The following C1orf52 variants were observed in gnomAD, a reference collection of about 807,000 sequenced individuals.
C1orf52 encodes the protein UPF0690 protein C1orf52.
In C1orf52, 5 loss-of-function variants were observed where a neutral mutation model predicts 17.2. That is an observed-to-expected ratio of 0.29 (90% CI 0.15 to 0.61). The LOEUF is 0.61. Among genes scored for constraint, C1orf52 ranks in the 20% least tolerant of loss-of-function variants. The probability of loss-of-function intolerance (pLI) is 0.85; values close to 1 mark genes in which losing one functional copy is unlikely to be tolerated. For missense variants in C1orf52, 245 were observed against 234.1 expected (o/e 1.05, Z -0.30); for synonymous variants, 110 against 88.0 (o/e 1.25, Z -1.40).
chr1:85,255,793 T>TC (rs1297016022), intron 2 of C1orf52, among the ~76,000 whole-genome samples: 2 of 115,012 alleles, frequency 1.7e-5, no homozygotes, highest in African/African-American at 3.5e-5. Flanking sequence ...ACATAATTGA[T>TC]TTTATAGGAA....
intron 2 of C1orf52, chr1:85,257,545 C>T (rs761875258): frequency 1.3e-5 from 9 of 694,462 alleles, no homozygotes; most frequent in African/African-American, 9.0e-5. Context: ...GACTTTATCC[C>T]GTTGAAGGGT....
At chr1:85,256,814 A>AAAAAAAAAAG (rs1553178011) in intron 2 of C1orf52, among the ~76,000 whole-genome samples, 1,352 of 107,804 alleles carry the variant, frequency 0.013, no homozygotes, top group Non-Finnish European at 0.015. Context: ...AAAAAAAAAA[A>AAAAAAAAAAG]AAAAGAAAAG....
In C1orf52 at chr1:85,252,584, A is replaced by G. The variant is rs1336052354; in HGVS notation, c.*45T>C. The G allele has an allele frequency of 1.3e-6, 2 of 1,498,294 alleles. No homozygotes were observed. Among genetic ancestry groups the G allele is most frequent in the Non-Finnish European group, 1.9e-6 (2 of 1,076,874 alleles). The allele number at this position is 1,498,294 out of a possible 1,614,324, so 92.8% of individuals were successfully genotyped here. On this transcript the variant is annotated 3_prime_UTR_variant, in exon 3 of 3. Coordinates refer to ENST00000471115, the MANE Select transcript of C1orf52 (RefSeq NM_198077.4). Reference sequence around the variant, plus strand: ...ATATCAACTTAATCTGTCCAAAGAAACATTTCAACAAGTTTAGCAGTACAG... The same window carrying G: ...ATATCAACTTAATCTGTCCAAAGAAGCATTTCAACAAGTTTAGCAGTACAG...
chr1:85,258,699 C>A lies in C1orf52; in HGVS notation c.300G>T (p.Trp100Cys). Residue 100 changes from tryptophan (W) to cysteine (C), a missense_variant, in exon 2 of 3, where the codon TGG (tryptophan) becomes TGT (cysteine). Transcript: ENST00000471115. ...CAGGAGGTGGTACATAATTTGACTT[C>A]CATATTTTGAATTCCTTTGGAGGCT... ...PEEPPKEFKI[W>C]KSNYVPPPET... The A allele has an allele frequency of 6.2e-7, 1 of 1,611,142 alleles. No homozygotes were observed.
In C1orf52 at chr1:85,250,847, T is replaced by C. The variant is rs913110675; in HGVS notation, c.*1782A>G. On this transcript the variant is annotated 3_prime_UTR_variant, in exon 3 of 3. Coordinates refer to ENST00000471115, the MANE Select transcript of C1orf52 (RefSeq NM_198077.4). The stretch of plus-strand genomic sequence containing the variant: ...ACTATGGTCTTGCTTTGTCACTTGA[T>C]GCCACTCCTTAGTATATGATACCAC... The C allele has an allele frequency of 6.6e-6, 1 of 152,364 alleles. No individual in the cohort carries two copies. The highest frequency in any genetic ancestry group is 1.9e-4 in the East Asian group (1 of 5,196). 9.4% of individuals were successfully genotyped at this position (152,364 alleles called of 1,614,324 possible). A position where few individuals can be genotyped will look rare whatever the true frequency, so the allele number is the denominator to read the frequency against.
rs1207415880 is a variant in C1orf52 at position 85,250,718 on chromosome 1, T to C, written c.*1911A>G. 6.6e-6 allele frequency: 1 copy of C among 152,236 alleles called. No homozygotes were observed. The highest frequency in any genetic ancestry group is 1.9e-4 in the East Asian group (1 of 5,202). 9.4% of individuals were successfully genotyped at this position (152,236 alleles called of 1,614,324 possible). A position where few individuals can be genotyped will look rare whatever the true frequency, so the allele number is the denominator to read the frequency against. ...AATATTTCAGTAACTTCTGAGATATTTGCTCCACCAACACATGCATCCAAA... is the reference window on the plus strand; with the variant it reads ...AATATTTCAGTAACTTCTGAGATATCTGCTCCACCAACACATGCATCCAAA... On this transcript the variant is annotated 3_prime_UTR_variant, in exon 3 of 3. Coordinates refer to ENST00000471115, the MANE Select transcript of C1orf52 (RefSeq NM_198077.4).
chr1:85,258,906 T>C (rs1660017569), intron 1 of C1orf52, 184 bp from the exon 2 acceptor site: 2 of 1,429,868 alleles, frequency 1.4e-6, no homozygotes, highest in East Asian at 5.0e-5. Context: ...GGGTTCCCTA[T>C]ATGAATAAAG....
Position 85,258,678 on chromosome 1 carries a change from A to C in C1orf52, c.321T>G (p.Pro107=). ...TCTTCTCAGTGGTGTAGGTCTCAGGAGGTGGTACATAATTTGACTTCCATA... is the reference window on the plus strand; with the variant it reads ...TCTTCTCAGTGGTGTAGGTCTCAGGCGGTGGTACATAATTTGACTTCCATA... ...FKIWKSNYVP[P]PETYTTEKKP... is the part of the protein sequence containing the mutation. The change falls in exon 2 of 3, where the codon CCT becomes CCG. Residue 107 remains proline (P), a synonymous_variant. Transcript: ENST00000471115. 1 of 1,582,266 alleles carries C rather than the reference A, an allele frequency of 6.3e-7. No individual in the cohort carries two copies.
At chr1:85,257,823 G>A (rs948931048) in intron 2 of C1orf52, among the ~76,000 whole-genome samples, 3 of 152,126 alleles carry the variant, frequency 2.0e-5, no homozygotes, top group African/African-American at 7.2e-5. Flanking sequence ...TGAAGCCTTC[G>A]GCCGGGAGCG....
At chr1:85,258,906 T>A in intron 1 of C1orf52, 184 bp from the exon 2 acceptor site, 2 of 1,429,868 alleles carry the variant, frequency 1.4e-6, no homozygotes, top group Non-Finnish European at 1.8e-6. Flanking sequence ...GGGTTCCCTA[T>A]ATGAATAAAG....
At chr1:85,258,451 T>C (rs764914691) in intron 2 of C1orf52, 73 bp downstream of exon 2, 49 of 1,284,016 alleles carry the variant, frequency 3.8e-5, no homozygotes, top group Non-Finnish European at 5.2e-5. Context: ...TTTTCATTCA[T>C]TAAATATCTC....
At position 85,259,493 on chromosome 1, in the gene C1orf52, G is replaced by T; in HGVS notation, c.141C>A (p.Gly47=). ...RTPDPAKSAG[G]CRNKAEKRLP... ...GCCGCTTCTCCGCCTTGTTCCTACA[G>T]CCGCCCGCCGACTTCGCCGGATCCG... is the stretch of plus-strand genomic sequence containing the variant. Residue 47 remains glycine (G), a synonymous_variant, in exon 1 of 3, where the codon GGC becomes GGA. Coordinates refer to ENST00000471115, the MANE Select transcript of C1orf52 (RefSeq NM_198077.4). 6.2e-7 allele frequency: 1 copy of T among 1,613,804 alleles called. No individual in the cohort carries two copies. The highest frequency in any genetic ancestry group is 2.2e-5 in the East Asian group (1 of 44,862).
Position 85,258,434 on chromosome 1 carries a change from G to A in C1orf52, c.475+90C>T, listed in dbSNP as rs1447953527. 4.3e-6 allele frequency: 5 copies of A among 1,153,684 alleles called. No homozygotes were observed. In the Admixed American group the frequency reaches 6.8e-5, roughly 16 times the overall value. 71.5% of individuals were successfully genotyped at this position (1,153,684 alleles called of 1,614,324 possible). A position where few individuals can be genotyped will look rare whatever the true frequency, so the allele number is the denominator to read the frequency against. On this transcript the variant is annotated intron_variant, in intron 2 of 2. Transcript: ENST00000471115. ...ATCAAATTAGTTTGTCAATTCGCTA[G>A]ATTTAATTTTCATTCATTAAATATC...
At position 85,259,609 on chromosome 1, in the gene C1orf52, G is replaced by C. The variant is rs138031555; in HGVS notation, c.25C>G (p.Leu9Val). MAAEEKDP[L>V]SYFAAYGSSS... ...CTCCCGTATGCCGCAAAATAGCTCA[G>C]AGGGTCCTTCTCCTCCGCTGCCATG... Residue 9 changes from leucine (L) to valine (V), a missense_variant, in exon 1 of 3, where the codon CTG becomes GTG. Leu to Val is a conservative substitution (Grantham distance 32). Coordinates refer to ENST00000471115, the MANE Select transcript of C1orf52 (RefSeq NM_198077.4). 6.3e-7 allele frequency: 1 copy of C among 1,575,516 alleles called. No individual in the cohort carries two copies. Among genetic ancestry groups the C allele is most frequent in the Non-Finnish European group, 8.6e-7 (1 of 1,161,438 alleles).
In C1orf52 at chr1:85,259,655, A is replaced by G; in HGVS notation, c.-22T>C. On this transcript the variant is annotated 5_prime_UTR_variant, in exon 1 of 3. Transcript: ENST00000471115. Reference sequence around the variant, plus strand: ...CCATGACGGCTGCGAGCGACAACCCAGCACTCCGCCGGAAGCCGGAAACCG... The same window carrying G: ...CCATGACGGCTGCGAGCGACAACCCGGCACTCCGCCGGAAGCCGGAAACCG... 1 of 1,507,190 alleles carries G rather than the reference A, an allele frequency of 6.6e-7. No homozygotes were observed. The highest frequency in any genetic ancestry group is 8.9e-7 in the Non-Finnish European group (1 of 1,125,560). The allele number at this position is 1,507,190 out of a possible 1,614,324, so 93.4% of individuals were successfully genotyped here.
intron 2 of C1orf52, among the ~76,000 whole-genome samples, chr1:85,254,977 T>C (rs1168095829): frequency 6.6e-6 from 1 of 152,224 alleles, no homozygotes; most frequent in Non-Finnish European, 1.5e-5. Context: ...CTTTATAAAC[T>C]AGAGTAGGAA....
intron 2 of C1orf52, among the ~76,000 whole-genome samples, chr1:85,258,084 C>T (rs1206600045): frequency 6.7e-6 from 1 of 150,324 alleles, no homozygotes; most frequent in African/African-American, 2.5e-5. Flanking sequence ...GGCGCCATTG[C>T]ACTCCAGCCT....
chr1:85,259,343 G>A lies in C1orf52; in HGVS notation c.276+15C>T. 1.2e-6 allele frequency: 2 copies of A among 1,604,582 alleles called. No homozygotes were observed. Among genetic ancestry groups the A allele is most frequent in the Non-Finnish European group, 1.7e-6 (2 of 1,172,358 alleles). ...GGCCGGGGCCGAGACCGAGAAACGG[G>A]GTCGGGGACCTCACCTCCTCAGGCG... On this transcript the variant is annotated intron_variant, in intron 1 of 2. Transcript: ENST00000471115.
intron 2 of C1orf52, among the ~76,000 whole-genome samples, chr1:85,257,822 C>T (rs898639228): frequency 1.3e-5 from 2 of 152,146 alleles, no homozygotes; most frequent in African/African-American, 2.4e-5. Context: ...ATGAAGCCTT[C>T]GGCCGGGAGC....
Sources: gnomAD v4.1 joint callset for allele counts (sites outside exome capture counted in the v4.1 genomes callset) on GRCh38, gnomAD v4.1.1 for gene constraint, MANE v1.5 for transcripts, NCBI Gene and HGNC (gene_info 2026-07-23, HGNC 2026-07-21) for gene names.